AOPEP: variants seen among roughly 807,000 people sequenced by gnomAD.
The protein encoded by AOPEP is aminopeptidase O (putative).
Under a neutral mutation model 98.1 loss-of-function variants are expected in AOPEP, and 77 were observed. The observed-to-expected ratio is 0.78, with a 90% CI of 0.65 to 0.95. The LOEUF (loss-of-function observed/expected upper bound fraction) is 0.95, where lower values mean the gene tolerates loss of function less well. AOPEP is among the 40% of genes least tolerant of loss of function. AOPEP has a pLI of 0.00. For synonymous variants in AOPEP, 346 were observed against 365.3 expected (o/e 0.95, Z 0.60); for missense variants, 1,024 against 1,024.7 (o/e 1.00, Z 0.01).
intron 3 of AOPEP, among the ~76,000 whole-genome samples, chr9:94,775,192 T>G (rs935809321): frequency 6.6e-6 from 1 of 152,188 alleles, no homozygotes; most frequent in Non-Finnish European, 1.5e-5. Flanking sequence ...TTTTTATAAC[T>G]CTTTAATCAG....
chr9:95,032,080 C>T (rs191435367), intron 13 of AOPEP, among the ~76,000 whole-genome samples: 1 of 152,294 alleles, frequency 6.6e-6, no homozygotes, highest in African/African-American at 2.4e-5. Flanking sequence ...AGGTACATGT[C>T]CCAGGAAAGC....
intron 1 of AOPEP, among the ~76,000 whole-genome samples, chr9:94,743,466 A>G (rs1188377068): frequency 6.6e-6 from 1 of 152,250 alleles, no homozygotes; most frequent in Non-Finnish European, 1.5e-5. Flanking sequence ...ACAGTTTAAG[A>G]AATATGCAGT....
chr9:94,758,818 A>G (rs926031442), intron 1 of AOPEP, among the ~76,000 whole-genome samples: 1 of 152,194 alleles, frequency 6.6e-6, no homozygotes, highest in African/African-American at 2.4e-5. Context: ...ATACAATAAG[A>G]ATATATTTTG....
chr9:94,858,164 A>G (rs928195400), intron 5 of AOPEP, among the ~76,000 whole-genome samples: 5 of 152,072 alleles, frequency 3.3e-5, no homozygotes, highest in Non-Finnish European at 7.4e-5. Flanking sequence ...CGATTCCTCA[A>G]TGCTGATTCT....
the AOPEP span, chr9:95,125,013 G>T: frequency 7.9e-7 from 1 of 1,264,426 alleles, no homozygotes; most frequent in Non-Finnish European, 1.2e-6. Context: ...AAAATAAAGT[G>T]CTCTTGTCCA....
chr9:95,076,349 CAG>C (rs765655658), intron 14 of AOPEP, among the ~76,000 whole-genome samples: 3 of 151,844 alleles, frequency 2.0e-5, no homozygotes, highest in Non-Finnish European at 4.4e-5. Flanking sequence ...AAGTTGCACA[CAG>C]ATACCTCAGG....
intron 7 of AOPEP, chr9:94,935,100 GT>G (rs2056051018): frequency 6.6e-6 from 1 of 152,224 alleles, no homozygotes; most frequent in African/African-American, 2.4e-5. Flanking sequence ...GTTTGTCATG[GT>G]TTAACACCAT....
chr9:94,778,947 T>G (rs1338619410), intron 3 of AOPEP, among the ~76,000 whole-genome samples: 1 of 151,996 alleles, frequency 6.6e-6, no homozygotes, highest in East Asian at 1.9e-4. Flanking sequence ...GAGAATTGCT[T>G]GAACCAGGGA....
intron 5 of AOPEP, among the ~76,000 whole-genome samples, chr9:94,863,773 T>C (rs146666931): frequency 9.7e-4 from 147 of 152,304 alleles, no homozygotes; most frequent in African/African-American, 3.3e-3. Context: ...CTTTTGGAAA[T>C]GCAGCAAGTG....
At chr9:94,989,008 A>G (rs1313933602) in intron 11 of AOPEP, among the ~76,000 whole-genome samples, 1 of 151,758 alleles carries the variant, frequency 6.6e-6, no homozygotes, top group Non-Finnish European at 1.5e-5. Flanking sequence ...TCCTGGGTTC[A>G]AGCAATTCTC....
chr9:95,068,458 C>T (rs968079383), intron 14 of AOPEP, among the ~76,000 whole-genome samples: 3 of 152,114 alleles, frequency 2.0e-5, no homozygotes, highest in African/African-American at 2.4e-5. Context: ...TGACCATTTG[C>T]ATATCTTCTT....
chr9:94,776,183 T>G (rs1009873875), intron 3 of AOPEP, among the ~76,000 whole-genome samples: 49 of 152,146 alleles, frequency 3.2e-4, no homozygotes, highest in Non-Finnish European at 4.6e-4. Context: ...TTTTCTCTTT[T>G]GTTGTACAAA....
intron 9 of AOPEP, among the ~76,000 whole-genome samples, chr9:94,965,695 G>A (rs2059144572): frequency 6.6e-6 from 1 of 152,216 alleles, no homozygotes; most frequent in Non-Finnish European, 1.5e-5. Context: ...GCAGTTAAAT[G>A]GGTGTCATCA....
chr9:94,976,682 GTTTGAGACAGGGTCTCAC>G (rs1477037108), intron 10 of AOPEP, among the ~76,000 whole-genome samples: 12 of 148,616 alleles, frequency 8.1e-5, no homozygotes, highest in Non-Finnish European at 1.6e-4. Flanking sequence ...CTTTTTGGGG[GTTTGAGACAGGGTCTCAC>G]TTTGTCCCCA....
chr9:94,855,504 C>G (rs1178044868), intron 5 of AOPEP, among the ~76,000 whole-genome samples: 2 of 151,968 alleles, frequency 1.3e-5, no homozygotes, highest in African/African-American at 4.8e-5. Context: ...GCCTGACCAA[C>G]GTGGAGAAAC....
At chr9:94,835,543 A>T (rs576157471) in intron 5 of AOPEP, among the ~76,000 whole-genome samples, 42 of 152,310 alleles carry the variant, frequency 2.8e-4, no homozygotes, top group African/African-American at 9.9e-4. Flanking sequence ...TCATTGTCTC[A>T]AACTGGTTTC....
rs1429670013 is a variant in AOPEP at position 94,988,277 on chromosome 9, C to A, written c.1977+8850C>A. Among the ~76,000 whole-genome samples, 4 of 152,154 alleles carry A rather than the reference C, an allele frequency of 2.6e-5. No homozygotes were observed. The East Asian group carries it at 7.7e-4, about 29-fold the overall frequency. On this transcript the variant is annotated intron_variant, in intron 11 of 16. Coordinates refer to ENST00000375315, the MANE Select transcript of AOPEP (RefSeq NM_001193329.3). ...ATCAATGTGATGCAGCTGATGCACC[C>A]AAATCCTACTCACGACGGGGAAGGA...
chr9:95,081,275 A>C (rs991758416), intron 15 of AOPEP, among the ~76,000 whole-genome samples: 8 of 152,214 alleles, frequency 5.3e-5, no homozygotes, highest in Non-Finnish European at 8.8e-5. Context: ...AGGAGTTCAC[A>C]GGCAGTGCGC....
intron 3 of AOPEP, among the ~76,000 whole-genome samples, chr9:94,788,638 T>G (rs1373482101): frequency 1.3e-5 from 2 of 152,182 alleles, no homozygotes; most frequent in Non-Finnish European, 2.9e-5. Context: ...TTGGAGGGCT[T>G]GTCAACCATC....
Sources: allele counts gnomAD v4.1 joint callset (sites outside exome capture counted in the v4.1 genomes callset), GRCh38; gene constraint gnomAD v4.1.1; transcripts MANE v1.5; gene names NCBI Gene and HGNC (gene_info 2026-07-23, HGNC 2026-07-21).